Variants in STYK1 observed in about 807,000 individuals in gnomAD.
The protein encoded by STYK1 is STY kinase 1, also known as tyrosine-protein kinase STYK1.
Under a neutral mutation model 48.1 loss-of-function variants are expected in STYK1, and 46 were observed. The ratio of observed to expected loss-of-function variants is 0.96; its 90% CI spans 0.75 to 1.22. The LOEUF is 1.22. Among genes scored for constraint, STYK1 ranks in the 50% most tolerant of loss-of-function variants. The pLI is 0.00. For missense variants in STYK1, 527 were observed against 521.1 expected, an observed-to-expected ratio of 1.01 and a Z score of -0.11; for synonymous variants, 188 against 189.0, an observed-to-expected ratio of 0.99 and a Z score of 0.04.
intron 5 of STYK1, among the ~76,000 whole-genome samples, chr12:10,630,757 CTG>C (rs138520326): frequency 4.6e-5 from 7 of 152,010 alleles, no homozygotes; most frequent in African/African-American, 1.7e-4. Context: ...ACAATAAAGA[CTG>C]TGTAAAAACC....
chr12:10,656,573 C>T (rs975593438), intron 1 of STYK1, among the ~76,000 whole-genome samples: 4 of 151,848 alleles, frequency 2.6e-5, no homozygotes, highest in East Asian at 1.9e-4. Flanking sequence ...TGCAGTGAGC[C>T]GAGATCACGT....
At chr12:10,629,713 G>T in intron 5 of STYK1, 39 bp from the exon 6 acceptor site, 1 of 1,612,292 alleles carries the variant, frequency 6.2e-7, no homozygotes, top group Non-Finnish European at 8.5e-7. Flanking sequence ...AGCAGTCAGA[G>T]CATCCTCGAT....
At chr12:10,631,364 G>C (rs971281163) in intron 4 of STYK1, 56 bp from the exon 5 acceptor site, 1 of 1,587,872 alleles carries the variant, frequency 6.3e-7, no homozygotes, top group African/African-American at 1.3e-5. Flanking sequence ...ATCCCGGAAA[G>C]CAGACCCTGA....
chr12:10,653,662 GA>G (rs1230824097), intron 1 of STYK1, among the ~76,000 whole-genome samples: 1 of 152,188 alleles, frequency 6.6e-6, no homozygotes, highest in Admixed American at 6.5e-5. Context: ...TATGTTGACA[GA>G]AAGAGTCAGA....
chr12:10,646,532 A>C (rs921126576), intron 1 of STYK1, among the ~76,000 whole-genome samples: 2 of 152,220 alleles, frequency 1.3e-5, no homozygotes, highest in Non-Finnish European at 1.5e-5. Context: ...TTATAAGGGA[A>C]ACAGAGCACA....
At chr12:10,638,191 G>A (rs1947506658) in intron 1 of STYK1, among the ~76,000 whole-genome samples, 3 of 152,176 alleles carry the variant, frequency 2.0e-5, no homozygotes. Flanking sequence ...AAATATGTTT[G>A]TATATACTTT....
chr12:10,653,984 T>G lies in STYK1; in HGVS notation c.-194-16788A>C, dbSNP rs78313568. Among the ~76,000 whole-genome samples, 1,343 of 152,294 alleles carry G rather than the reference T, an allele frequency of 8.8e-3. 21 individuals carry two copies. Among genetic ancestry groups the G allele is most frequent in the African/African-American group, 0.03 (1,259 of 41,530 alleles). ...GGTCAACACAAGATACAGGTCACAATGGCCTTGTTGATAAAACAGAATGAA... is the reference window on the plus strand; with the variant it reads ...GGTCAACACAAGATACAGGTCACAAGGGCCTTGTTGATAAAACAGAATGAA... On this transcript the variant is annotated intron_variant, in intron 1 of 10. Transcript: ENST00000075503.
intron 1 of STYK1, among the ~76,000 whole-genome samples, chr12:10,639,744 G>A (rs184744132): frequency 6.6e-6 from 1 of 152,278 alleles, no homozygotes; most frequent in East Asian, 1.9e-4. Flanking sequence ...AAAAATGGCA[G>A]AGCAAGGTTG....
Position 10,623,061 on chromosome 12 carries a change from C to T in STYK1, c.927-383G>A, listed in dbSNP as rs549486536. ...CCATCCCTCTCTGCTGAAATTCTTG[C>T]CTTTATTCTTAGCACAAATTCAACC... On this transcript the variant is annotated intron_variant, in intron 8 of 10. Coordinates refer to ENST00000075503, the MANE Select transcript of STYK1 (RefSeq NM_018423.3). Among the ~76,000 whole-genome samples, 9 of 152,156 alleles carry T rather than the reference C, an allele frequency of 5.9e-5. No homozygotes were observed. The South Asian group carries it at 1.9e-3, about 32-fold the overall frequency.
At chr12:10,653,142 G>A (rs370329157) in intron 1 of STYK1, among the ~76,000 whole-genome samples, 209 of 151,714 alleles carry the variant, frequency 1.4e-3, no homozygotes, top group African/African-American at 4.8e-3. Flanking sequence ...GCGTGATATC[G>A]GCTTACTGCA....
intron 1 of STYK1, among the ~76,000 whole-genome samples, chr12:10,657,101 G>A (rs1426584696): frequency 6.6e-6 from 1 of 152,174 alleles, no homozygotes; most frequent in Middle Eastern, 3.2e-3. Context: ...TGAGAGATAA[G>A]AGTTCCATAG....
At position 10,672,915 on chromosome 12, in the gene STYK1, A is replaced by C. The variant is rs1947905203; in HGVS notation, c.-195+1051T>G. On this transcript the variant is annotated intron_variant, in intron 1 of 10. Transcript: ENST00000075503. The surrounding 1 kb of genome is among the most constrained non-coding windows in gnomAD (Gnocchi z 4.0). Reference sequence around the variant, plus strand: ...TGGAGATTCCGGTGCATTGAGGGGGAAAAACCAGGTAGACAGCACAGAGTT... The same window carrying C: ...TGGAGATTCCGGTGCATTGAGGGGGCAAAACCAGGTAGACAGCACAGAGTT... Among the ~76,000 whole-genome samples the C allele has an allele frequency of 6.6e-6, 1 of 152,166 alleles. No individual in the cohort carries two copies. Among genetic ancestry groups the C allele is most frequent in the Admixed American group, 6.5e-5 (1 of 15,278 alleles).
chr12:10,656,107 C>T (rs1947715022), intron 1 of STYK1, among the ~76,000 whole-genome samples: 2 of 152,094 alleles, frequency 1.3e-5, no homozygotes, highest in Admixed American at 1.3e-4. Context: ...TCTTGTGATA[C>T]TGAATAAGTC....
chr12:10,671,141 C>T (rs1263580190), intron 1 of STYK1, among the ~76,000 whole-genome samples: 2 of 151,744 alleles, frequency 1.3e-5, no homozygotes, highest in Admixed American at 1.3e-4. Flanking sequence ...ACTACAGGCG[C>T]CCGCCACCAC....
chr12:10,633,943 C>CCCTTCTAAA (rs779955837), intron 4 of STYK1, 47 bp downstream of exon 4: 4 of 1,593,972 alleles, frequency 2.5e-6, no homozygotes, highest in Non-Finnish European at 1.7e-6. Flanking sequence ...TTTTCCTAAT[C>CCCTTCTAAA]TCCATCTTCT....
At chr12:10,655,119 T>G (rs969185345) in intron 1 of STYK1, among the ~76,000 whole-genome samples, 1 of 152,232 alleles carries the variant, frequency 6.6e-6, no homozygotes, top group Admixed American at 6.5e-5. Context: ...CTAGTCTTAA[T>G]GCTGTAGTGA....
chr12:10,645,849 T>C (rs1329572520), intron 1 of STYK1, among the ~76,000 whole-genome samples: 1 of 152,148 alleles, frequency 6.6e-6, no homozygotes, highest in African/African-American at 2.4e-5. Context: ...GTCTTTCCCA[T>C]GCTGTTCTCA....
At chr12:10,630,904 T>A (rs897263305) in intron 5 of STYK1, 141 bp downstream of exon 5, 5 of 1,098,132 alleles carry the variant, frequency 4.6e-6, no homozygotes, top group Non-Finnish European at 5.2e-6. Flanking sequence ...GAAAAACATT[T>A]CTGCCTCAAG....
intron 7 of STYK1, among the ~76,000 whole-genome samples, chr12:10,626,496 C>T (rs1947360352): frequency 6.6e-6 from 1 of 152,054 alleles, no homozygotes; most frequent in African/African-American, 2.4e-5. Context: ...TTCCTGATTC[C>T]ACTTACATCC....
Sources: gnomAD v4.1 joint callset for allele counts (sites outside exome capture counted in the v4.1 genomes callset) on GRCh38, gnomAD v4.1.1 for gene constraint, Gnocchi (gnomAD v3.1) non-coding constraint, MANE v1.5 for transcripts, NCBI Gene and HGNC (gene_info 2026-07-23, HGNC 2026-07-21) for gene names.